Variants in MCF2 observed in about 807,000 individuals in gnomAD.
MCF2 encodes proto-oncogene DBL.
Under a neutral mutation model 82.5 loss-of-function variants are expected in MCF2, and 44 were observed. The ratio of observed to expected loss-of-function variants is 0.53; its 90% CI spans 0.42 to 0.69. MCF2 has a LOEUF of 0.69. Ranked by LOEUF, MCF2 falls within the 30% of genes least tolerant of loss-of-function variation. The pLI is 0.00. For synonymous variants in MCF2, 217 were observed against 224.9 expected, an observed-to-expected ratio of 0.96 and a Z score of 0.32; for missense variants, 623 against 663.1, an observed-to-expected ratio of 0.94 and a Z score of 0.66.
intron 1 of MCF2, among the ~76,000 whole-genome samples, chrX:139,661,157 C>T (rs867200869): frequency 9.9e-5 from 11 of 111,611 alleles, no homozygotes; most frequent in Admixed American, 4.8e-4. Flanking sequence ...CAGAGAATGT[C>T]ATCCCAAGTG....
At chrX:139,690,369 A>G (rs1162071124) in intron 1 of MCF2, among the ~76,000 whole-genome samples, 2 of 87,184 alleles carry the variant, frequency 2.3e-5, no homozygotes, top group Non-Finnish European at 4.4e-5. Flanking sequence ...TTAGCTCCCA[A>G]GATGATGCAG....
At chrX:139,644,289 A>T (rs930279358), upstream of MCF2, among the ~76,000 whole-genome samples, 4 of 112,266 alleles carry the variant, frequency 3.6e-5, no homozygotes, top group African/African-American at 1.3e-4. Flanking sequence ...TGGATTCATC[A>T]CATAGCCATT....
chrX:139,603,039 T>C, intron 15 of MCF2, among the ~76,000 whole-genome samples: 1 of 112,119 alleles, frequency 8.9e-6, no homozygotes, highest in Non-Finnish European at 1.9e-5. Context: ...ATCTCTTCTA[T>C]ACAACCATTG....
chrX:139,619,739 A>G (rs747963590), intron 6 of MCF2, 33 bp from the exon 10 acceptor site: 2 of 1,063,032 alleles, frequency 1.9e-6, no homozygotes, highest in East Asian at 3.2e-5. Flanking sequence ...TTTTAAAAAC[A>G]TAAAATTTAT....
At chrX:139,600,772 G>A (rs1930488703) in intron 16 of MCF2, among the ~76,000 whole-genome samples, 1 of 111,740 alleles carries the variant, frequency 8.9e-6, no homozygotes, top group East Asian at 2.8e-4. Flanking sequence ...GAGCTTTTTA[G>A]TGTTTACTCC....
rs184965104 is a variant in MCF2, at chrX:139,611,585, A to G, written c.1364-1247T>C. On this transcript the variant is annotated intron_variant, in intron 10 of 24. Transcript: ENST00000370576. ...TCTTCAAAGCAAGGTAGATGTATTC[A>G]TTTTTAACAATATAAATACATACAA... Among the ~76,000 whole-genome samples the G allele has an allele frequency of 6.3e-4, 71 of 112,199 alleles. 1 individual carries two copies. The highest frequency in any genetic ancestry group is 2.2e-3 in the African/African-American group (69 of 30,981).
intron 1 of MCF2, among the ~76,000 whole-genome samples, chrX:139,675,314 G>A (rs1013389104): frequency 6.2e-5 from 7 of 112,419 alleles, no homozygotes; most frequent in African/African-American, 2.3e-4. Context: ...GCTCATCAAA[G>A]TCATTCTCTG....
chrX:139,686,232 C>T (rs1935120691), intron 1 of MCF2, among the ~76,000 whole-genome samples: 1 of 111,490 alleles, frequency 9.0e-6, no homozygotes, highest in African/African-American at 3.3e-5. Context: ...CCTTTCACCA[C>T]TCTTATTCAA....
chrX:139,697,266 C>T (rs1371034465), intron 1 of MCF2, among the ~76,000 whole-genome samples: 1 of 111,721 alleles, frequency 9.0e-6, no homozygotes, highest in African/African-American at 3.3e-5. Flanking sequence ...AACCTAAGGC[C>T]GCAAAGACAG....
chrX:139,608,198 C>T (rs1216506694), intron 11 of MCF2, among the ~76,000 whole-genome samples: 4 of 109,489 alleles, frequency 3.7e-5, no homozygotes, highest in Non-Finnish European at 5.7e-5. Flanking sequence ...ATAACTGATC[C>T]TTTTCCTTTT....
At chrX:139,665,899 A>ATG (rs1474082922) in intron 1 of MCF2, among the ~76,000 whole-genome samples, 1 of 81,798 alleles carries the variant, frequency 1.2e-5, no homozygotes, top group African/African-American at 4.4e-5. Context: ...GTGTGTGTGT[A>ATG]TATATATATA....
chrX:139,668,058 C>T (rs1018586400), intron 1 of MCF2, among the ~76,000 whole-genome samples: 2 of 111,953 alleles, frequency 1.8e-5, no homozygotes, highest in African/African-American at 6.5e-5. Flanking sequence ...ATGCTTCACT[C>T]ATGTCCCAGC....
intron 1 of MCF2, among the ~76,000 whole-genome samples, chrX:139,665,664 C>T (rs1028668451): frequency 7.3e-5 from 8 of 108,956 alleles, no homozygotes; most frequent in African/African-American, 1.0e-4. Context: ...ATTTTTGGTT[C>T]TTATGAGGTG....
intron 2 of MCF2, among the ~76,000 whole-genome samples, chrX:139,650,753 T>C (rs1210640914): frequency 8.9e-6 from 1 of 112,198 alleles, no homozygotes; most frequent in African/African-American, 3.2e-5. Flanking sequence ...AGCGGCATTA[T>C]TCACAATAGC....
At position 139,672,683 on chromosome X, in the gene MCF2, C is replaced by T. The variant is rs753321788; in HGVS notation, c.-44-20895G>A. On this transcript the variant is annotated intron_variant, in intron 1 of 27. Coordinates refer to the MCF2 transcript ENST00000414978. ...ATGAAGCCAACTTGATCATGGTGGA[C>T]AAGCTTTTTGATGTGCTGCTGGATT... 2.6e-3 allele frequency among the ~76,000 whole-genome samples: 290 copies of T among 111,894 alleles called. 1 individual carries two copies. The highest frequency in any genetic ancestry group is 3.4e-3 in the Non-Finnish European group (181 of 53,169).
At position 139,590,476 on chromosome X, in the gene MCF2, A is replaced by T. The variant is rs181165258; in HGVS notation, c.2278-549T>A. Among the ~76,000 whole-genome samples the T allele has an allele frequency of 1.5e-3, 167 of 110,224 alleles. 3 individuals carry two copies. In the East Asian group the frequency reaches 0.016, roughly 11 times the overall value. The stretch of plus-strand genomic sequence containing the variant: ...CAATCCCTTGGCCTTTCTAAAAAAA[A>T]AATAATAATAATAATATGTAATGGG... On this transcript the variant is annotated intron_variant, in intron 19 of 24. Coordinates refer to ENST00000370576, the Ensembl canonical transcript of MCF2.
At chrX:139,641,943 C>A (rs963088620) in intron 1 of MCF2, among the ~76,000 whole-genome samples, 1 of 111,143 alleles carries the variant, frequency 9.0e-6, no homozygotes, top group Non-Finnish European at 1.9e-5. Flanking sequence ...TTTGTACCTA[C>A]GAAGTTTCAG....
Position 139,657,293 on chromosome X carries a change from G to T in MCF2, c.-44-5505C>A, listed in dbSNP as rs149640969. 9.7e-3 allele frequency among the ~76,000 whole-genome samples: 1,090 copies of T among 112,186 alleles called. 11 individuals carry two copies. The highest frequency in any genetic ancestry group is 0.032 in the African/African-American group (1,002 of 30,889). On this transcript the variant is annotated intron_variant, in intron 1 of 27. Coordinates refer to the MCF2 transcript ENST00000414978. ...TTATTTTATTATTTAAAAGGTAGTTGTGCCAATGAGGATACAAACTTAGAA... is the reference window on the plus strand; with the variant it reads ...TTATTTTATTATTTAAAAGGTAGTTTTGCCAATGAGGATACAAACTTAGAA...
intron 1 of MCF2, among the ~76,000 whole-genome samples, chrX:139,668,469 T>G (rs1239473194): frequency 2.7e-5 from 3 of 111,202 alleles, no homozygotes; most frequent in African/African-American, 9.8e-5. Context: ...ATAGAGGGCC[T>G]CTTCCATGGC....
Sources: gnomAD v4.1 joint callset for allele counts (sites outside exome capture counted in the v4.1 genomes callset) on GRCh38, gnomAD v4.1.1 for gene constraint, MANE v1.5 for transcripts, NCBI Gene and HGNC (gene_info 2026-07-23, HGNC 2026-07-21) for gene names.